Variants in CCDC93 observed in about 807,000 individuals in gnomAD.
The protein encoded by CCDC93 is CCC complex scaffolding subunit CCDC93.
Under a neutral mutation model 108.2 loss-of-function variants are expected in CCDC93, and 61 were observed. The observed-to-expected ratio is 0.56, with a 90% CI of 0.46 to 0.70. The LOEUF (loss-of-function observed/expected upper bound fraction) is 0.70. Among genes scored for constraint, CCDC93 ranks in the 30% least tolerant of loss-of-function variants. The pLI, the probability that CCDC93 is intolerant of heterozygous loss-of-function variation, is 0.00. For synonymous variants in CCDC93, 276 were observed against 260.4 expected (o/e 1.06, Z -0.58); for missense variants, 685 against 764.2 (o/e 0.90, Z 1.22).
At chr2:117,978,387 T>C (rs1240097962) in intron 7 of CCDC93, among the ~76,000 whole-genome samples, 2 of 152,186 alleles carry the variant, frequency 1.3e-5, no homozygotes, top group African/African-American at 4.8e-5. Context: ...TGTAAATGTG[T>C]TTCCTTAAGC....
intron 16 of CCDC93, among the ~76,000 whole-genome samples, chr2:117,945,942 A>G (rs1261598644): frequency 6.6e-6 from 1 of 152,218 alleles, no homozygotes; most frequent in Admixed American, 6.5e-5. Flanking sequence ...AAAGGTTTAA[A>G]GTTTTAGAAA....
intron 3 of CCDC93, among the ~76,000 whole-genome samples, chr2:118,006,464 C>T (rs536422861): frequency 6.6e-6 from 1 of 152,356 alleles, no homozygotes; most frequent in Admixed American, 6.5e-5. Context: ...AAAGCATCTC[C>T]TTTCCTCTTT....
At chr2:117,972,949 T>C (rs771463036) in intron 11 of CCDC93, among the ~76,000 whole-genome samples, 1 of 152,146 alleles carries the variant, frequency 6.6e-6, no homozygotes, top group Non-Finnish European at 1.5e-5. Flanking sequence ...CAAAGGAATC[T>C]CACCCTGAGA....
chr2:117,985,334 A>G (rs1360351726), intron 7 of CCDC93: 2 of 313,610 alleles, frequency 6.4e-6, no homozygotes, highest in Non-Finnish European at 9.3e-6. Context: ...TGTGAGGCAG[A>G]GCAGCACACA....
At chr2:117,959,527 A>G (rs1000220382) in intron 11 of CCDC93, among the ~76,000 whole-genome samples, 1 of 152,238 alleles carries the variant, frequency 6.6e-6, no homozygotes, top group African/African-American at 2.4e-5. Context: ...AAGAAATGGG[A>G]AAGTGAGAAT....
At chr2:117,974,936 T>C in intron 9 of CCDC93, 36 bp from the exon 10 acceptor site, 1 of 1,540,118 alleles carries the variant, frequency 6.5e-7, no homozygotes, top group South Asian at 1.2e-5. Flanking sequence ...CAGTGAGTGG[T>C]TCTGAACATG....
At chr2:117,951,259 T>G (rs1679048850) in intron 13 of CCDC93, 2 of 985,310 alleles carry the variant, frequency 2.0e-6, no homozygotes, top group East Asian at 2.3e-4. Context: ...GCTTGCCATC[T>G]AATCCGTAAG....
At chr2:118,003,484 T>C (rs949662793) in intron 3 of CCDC93, among the ~76,000 whole-genome samples, 1 of 152,182 alleles carries the variant, frequency 6.6e-6, no homozygotes, top group Non-Finnish European at 1.5e-5. Flanking sequence ...ATACAGCCTT[T>C]CCTTAGTTAC....
intron 23 of CCDC93, among the ~76,000 whole-genome samples, chr2:117,926,335 T>A (rs2104704256): frequency 6.6e-6 from 1 of 152,092 alleles, no homozygotes; most frequent in African/African-American, 2.4e-5. Flanking sequence ...CAGGAGCTGG[T>A]TTTTTGAAAA....
chr2:117,995,506 C>G lies in CCDC93; in HGVS notation c.463-4G>C. The G allele has an allele frequency of 6.2e-7, 1 of 1,611,548 alleles. No individual in the cohort carries two copies. The highest frequency in any genetic ancestry group is 8.5e-7 in the Non-Finnish European group (1 of 1,177,596). ...TTCTCTTTATGAAGTCATCATCCTA[C>G]AAGACAAAACAGAGCGATTAAACAA... On this transcript the variant is annotated splice_region_variant and splice_polypyrimidine_tract_variant and intron_variant, in intron 5 of 23. Transcript: ENST00000376300.
At chr2:117,983,073 A>T (rs1201417260) in intron 7 of CCDC93, among the ~76,000 whole-genome samples, 1 of 152,216 alleles carries the variant, frequency 6.6e-6, no homozygotes, top group Non-Finnish European at 1.5e-5. Flanking sequence ...TAAAGAAAAC[A>T]CAAGTGTCTT....
At chr2:117,993,015 T>C (rs1573520613) in intron 6 of CCDC93, among the ~76,000 whole-genome samples, 1 of 152,206 alleles carries the variant, frequency 6.6e-6, no homozygotes, top group Non-Finnish European at 1.5e-5. Context: ...TTTTGCTCTA[T>C]GGCCGAAAAC....
rs148066274 is a variant in CCDC93, at chr2:117,931,045, A to G, written c.1834T>C (p.Phe612Leu). 2 of 1,604,682 alleles carry G rather than the reference A, an allele frequency of 1.2e-6. No individual in the cohort carries two copies. Among genetic ancestry groups the G allele is most frequent in the Non-Finnish European group, 1.7e-6 (2 of 1,172,974 alleles). The change falls in exon 23 of 24, where the codon TTC becomes CTC. Residue 612 changes from phenylalanine (F) to leucine (L), a missense_variant. Physicochemically the swap from Phe to Leu is conservative, Grantham distance 22. Coordinates refer to ENST00000376300, the MANE Select transcript of CCDC93 (RefSeq NM_019044.5). ...CCCAGCCTTCCTCTTACCTCCTTGA[A>G]CTCTTTCACAGTCTTAAAGTATAGC... ...QRLYFKTVKE[F>L]KEEGRKNEML... is the part of the protein sequence containing the mutation.
At chr2:117,978,066 A>T in intron 7 of CCDC93, 36 bp from the exon 8 acceptor site, 6 of 1,578,140 alleles carry the variant, frequency 3.8e-6, no homozygotes, top group Non-Finnish European at 4.4e-6. Flanking sequence ...ATTACTACTT[A>T]AAAAATTACA....
At chr2:117,972,599 CCAGTT>C (rs1437370232) in intron 11 of CCDC93, among the ~76,000 whole-genome samples, 1 of 144,902 alleles carries the variant, frequency 6.9e-6, no homozygotes, top group Admixed American at 6.9e-5. Flanking sequence ...GGTGCTCTAT[CCAGTT>C]GTCATTTTTT....
chr2:117,995,466 T>C lies in CCDC93; in HGVS notation c.499A>G (p.Lys167Glu). The change falls in exon 6 of 24, where the codon AAG becomes GAG. Residue 167 changes from lysine (K) to glutamate (E), a missense_variant. By Grantham distance (56) the Lys-to-Glu change is moderately conservative. Transcript: ENST00000376300. ...CTTACTGAGAGGTCCACAACTGTCT[T>C]GATGGCCTTTTCTTTTCTCTTTATG... is the stretch of plus-strand genomic sequence containing the variant. Reference protein sequence around the residue: ...DFIKRKEKAIKTVVDLSEVYK... With the variant: ...DFIKRKEKAIETVVDLSEVYK... 1 of 1,613,700 alleles carries C rather than the reference T, an allele frequency of 6.2e-7. No homozygotes were observed.
At chr2:117,958,602 A>G in intron 11 of CCDC93, 121 bp from the exon 12 acceptor site, 1 of 687,064 alleles carries the variant, frequency 1.5e-6, no homozygotes. Flanking sequence ...AAGCCAGGGC[A>G]TTTACAGAGG....
At chr2:118,005,622 T>C (rs762375139) in intron 3 of CCDC93, among the ~76,000 whole-genome samples, 5 of 151,766 alleles carry the variant, frequency 3.3e-5, no homozygotes, top group Non-Finnish European at 4.4e-5. Flanking sequence ...CTGGGCGTGG[T>C]GGTGTATGCC....
rs971111868 is a variant in CCDC93 at position 117,918,148 on chromosome 2, G to A, written c.*2195C>T. ...CTTGGGGCATCTCCTTACCCTATAC[G>A]GCTTCACCAAAAAGTCATGTAACAT... On this transcript the variant is annotated 3_prime_UTR_variant, in exon 24 of 24. Transcript: ENST00000376300. 9 of 151,942 alleles carry A rather than the reference G, an allele frequency of 5.9e-5. No homozygotes were observed. Among genetic ancestry groups the A allele is most frequent in the African/African-American group, 1.9e-4 (8 of 41,352 alleles). 9.4% of individuals were successfully genotyped at this position (151,942 alleles called of 1,614,324 possible). A position where few individuals can be genotyped will look rare whatever the true frequency, so the allele number is the denominator to read the frequency against.
Sources: gnomAD v4.1 joint callset for allele counts (sites outside exome capture counted in the v4.1 genomes callset) on GRCh38, gnomAD v4.1.1 for gene constraint, MANE v1.5 for transcripts, NCBI Gene and HGNC (gene_info 2026-07-23, HGNC 2026-07-21) for gene names.